The following DSCAML1 variants were observed in gnomAD, a reference collection of about 807,000 sequenced individuals.
The protein encoded by DSCAML1 is cell adhesion molecule DSCAML1.
In DSCAML1, 38 loss-of-function variants were observed where a neutral mutation model predicts 200.5. The ratio of observed to expected loss-of-function variants is 0.19; its 90% CI spans 0.15 to 0.25. DSCAML1 has a LOEUF of 0.25. Among genes scored for constraint, DSCAML1 ranks in the 10% least tolerant of loss-of-function variants. The probability of loss-of-function intolerance (pLI) is 1.00; values close to 1 mark genes in which losing one functional copy is unlikely to be tolerated. For missense variants in DSCAML1, 2,223 were observed against 2,858.8 expected (o/e 0.78, Z 5.07); for synonymous variants, 1,215 against 1,165.0 (o/e 1.04, Z -0.87).
In DSCAML1 at chr11:117,561,271, G is replaced by A. The variant is rs190003405; in HGVS notation, c.512-28749C>T. ...GCTGCAGCCCAGGGCAGTGAGCACT[G>A]GACAATGAGTCTGGAGACCTGAGTT... On this transcript the variant is annotated intron_variant, in intron 3 of 32. Transcript: ENST00000651296. Among the ~76,000 whole-genome samples, 8 of 152,324 alleles carry A rather than the reference G, an allele frequency of 5.3e-5. No individual in the cohort carries two copies. The East Asian group carries it at 1.3e-3, about 26-fold the overall frequency.
intron 3 of DSCAML1, among the ~76,000 whole-genome samples, chr11:117,768,253 A>C (rs903886960): frequency 3.3e-5 from 5 of 152,210 alleles, no homozygotes; most frequent in Admixed American, 6.5e-5. Flanking sequence ...CCTGCAAGGT[A>C]CTAGTGAATC....
intron 3 of DSCAML1, among the ~76,000 whole-genome samples, chr11:117,671,125 G>A (rs2137669992): frequency 6.6e-6 from 1 of 152,314 alleles, no homozygotes; most frequent in East Asian, 1.9e-4. Flanking sequence ...TCCCCGAGAG[G>A]GACACAGCCT....
intron 19 of DSCAML1, among the ~76,000 whole-genome samples, chr11:117,454,231 A>G (rs971485953): frequency 3.3e-5 from 5 of 152,134 alleles, no homozygotes; most frequent in African/African-American, 1.2e-4. Context: ...TAGAAGTGCA[A>G]AATCCGAGAT....
At chr11:117,441,828 G>T (rs1398719331) in intron 21 of DSCAML1, among the ~76,000 whole-genome samples, 1 of 152,162 alleles carries the variant, frequency 6.6e-6, no homozygotes, top group Non-Finnish European at 1.5e-5. Context: ...CCGGCAGAGG[G>T]GTCCACATGA....
chr11:117,726,282 T>A (rs1038070571), intron 3 of DSCAML1, among the ~76,000 whole-genome samples: 3 of 151,864 alleles, frequency 2.0e-5, no homozygotes, highest in Non-Finnish European at 2.9e-5. Flanking sequence ...TGTGTGTGTG[T>A]GTGTGTGTGT....
chr11:117,746,839 G>T (rs577322618), intron 3 of DSCAML1, among the ~76,000 whole-genome samples: 1 of 152,124 alleles, frequency 6.6e-6, no homozygotes, highest in South Asian at 2.1e-4. Context: ...TCAGGCTTCA[G>T]GACTCGGCTG....
chr11:117,603,633 A>G (rs1279241040), intron 3 of DSCAML1, among the ~76,000 whole-genome samples: 1 of 152,232 alleles, frequency 6.6e-6, no homozygotes, highest in African/African-American at 2.4e-5. Flanking sequence ...CATAAAGGTA[A>G]TATAGCAGAA....
intron 3 of DSCAML1, among the ~76,000 whole-genome samples, chr11:117,543,811 T>TC (rs201123194): frequency 1.9e-4 from 28 of 150,182 alleles, no homozygotes; most frequent in Admixed American, 4.0e-4. Context: ...GTTTTTTTTT[T>TC]GTTTGTTTTG....
chr11:117,457,922 G>A (rs943072456), intron 19 of DSCAML1, among the ~76,000 whole-genome samples: 6 of 152,328 alleles, frequency 3.9e-5, no homozygotes, highest in Non-Finnish European at 5.9e-5. Context: ...TGTGCCAGTC[G>A]TTTGTCACAC....
intron 20 of DSCAML1, 78 bp from the exon 21 acceptor site, chr11:117,444,117 G>T (rs929597943): frequency 3.3e-6 from 5 of 1,494,076 alleles, no homozygotes; most frequent in Non-Finnish European, 3.6e-6. Flanking sequence ...AGTGCCCGGG[G>T]CTCAGAGGAG....
chr11:117,718,833 C>A (rs1274547813), intron 3 of DSCAML1, among the ~76,000 whole-genome samples: 1 of 152,204 alleles, frequency 6.6e-6, no homozygotes, highest in Non-Finnish European at 1.5e-5. Flanking sequence ...TTAACGAGCA[C>A]ATAACCATGT....
At chr11:117,572,635 T>G (rs115827416) in intron 3 of DSCAML1, among the ~76,000 whole-genome samples, 3,006 of 152,238 alleles carry the variant, frequency 0.02, 94 homozygotes, top group African/African-American at 0.067. Flanking sequence ...AGGGGAATTA[T>G]TAGGGAGTCC....
intron 3 of DSCAML1, among the ~76,000 whole-genome samples, chr11:117,540,876 G>A (rs2050256172): frequency 6.6e-6 from 1 of 151,956 alleles, no homozygotes; most frequent in Admixed American, 6.5e-5. Flanking sequence ...GAGTGTCTTT[G>A]TCAGGTAGTG....
At chr11:117,626,211 C>A (rs912563035) in intron 3 of DSCAML1, among the ~76,000 whole-genome samples, 6 of 29,050 alleles carry the variant, frequency 2.1e-4, no homozygotes, top group Non-Finnish European at 3.9e-4. Flanking sequence ...CCCCCCCCCT[C>A]CTTCTTCTGG....
At chr11:117,650,342 G>A (rs958003223) in intron 3 of DSCAML1, among the ~76,000 whole-genome samples, 1 of 152,176 alleles carries the variant, frequency 6.6e-6, no homozygotes, top group African/African-American at 2.4e-5. Context: ...GATAGGGCCC[G>A]GGTTTCTTCT....
intron 3 of DSCAML1, among the ~76,000 whole-genome samples, chr11:117,769,185 CATATATATTTTATAT>C (rs1198192153): frequency 0.72 from 60,403 of 84,136 alleles, 22,484 homozygotes; most frequent in East Asian, 0.87. Context: ...ATATATTATA[CATATATATTTTATAT>C]ATATTATATA....
intron 3 of DSCAML1, among the ~76,000 whole-genome samples, chr11:117,637,242 G>C (rs1056693039): frequency 6.6e-6 from 1 of 152,160 alleles, no homozygotes; most frequent in Non-Finnish European, 1.5e-5. Flanking sequence ...ACCTGTGTAA[G>C]GGTCTAGAAT....
At chr11:117,715,738 T>C (rs1008902837) in intron 3 of DSCAML1, among the ~76,000 whole-genome samples, 5 of 152,140 alleles carry the variant, frequency 3.3e-5, no homozygotes, top group African/African-American at 1.2e-4. Flanking sequence ...AAGTGAATTA[T>C]TGGGCCCTCT....
chr11:117,801,247 G>A (rs2055654399), upstream of DSCAML1: 1 of 152,244 alleles, frequency 6.6e-6, no homozygotes. Context: ...CCTGTGACAA[G>A]TCACCTTGCC....
Sources: allele counts gnomAD v4.1 joint callset (sites outside exome capture counted in the v4.1 genomes callset), GRCh38; gene constraint gnomAD v4.1.1; transcripts MANE v1.5; gene names NCBI Gene and HGNC (gene_info 2026-07-23, HGNC 2026-07-21).